Variants in ENOX1 observed in about 807,000 individuals in gnomAD.
The protein encoded by ENOX1 is ecto-NOX disulfide-thiol exchanger 1.
Under a neutral mutation model 82.5 loss-of-function variants are expected in ENOX1, and 42 were observed. The observed-to-expected ratio is 0.51, with a 90% CI of 0.40 to 0.66. ENOX1 has a LOEUF of 0.66. ENOX1 is among the 30% of genes least tolerant of loss of function. ENOX1 has a pLI of 0.00. For synonymous variants in ENOX1, 271 were observed against 282.2 expected (o/e 0.96, Z 0.40); for missense variants, 608 against 811.6 (o/e 0.75, Z 3.05).
At chr13:43,455,012 T>C (rs2153633566) in intron 3 of ENOX1, among the ~76,000 whole-genome samples, 1 of 152,266 alleles carries the variant, frequency 6.6e-6, no homozygotes, top group South Asian at 2.1e-4. Context: ...CCTATGCCTC[T>C]TTCCTGTGTT....
chr13:43,449,702 G>A (rs985130557), intron 3 of ENOX1, among the ~76,000 whole-genome samples: 12 of 151,844 alleles, frequency 7.9e-5, no homozygotes, highest in Non-Finnish European at 2.9e-5. Context: ...TGAGTCACAG[G>A]GAGAAAAGTC....
At chr13:43,505,695 G>A (rs1236303804) in intron 2 of ENOX1, among the ~76,000 whole-genome samples, 1 of 152,054 alleles carries the variant, frequency 6.6e-6, no homozygotes, top group Admixed American at 6.6e-5. Context: ...CTCCCATTCT[G>A]TAGGTTGCCT....
intron 9 of ENOX1, among the ~76,000 whole-genome samples, chr13:43,339,507 C>G (rs548145697): frequency 6.6e-6 from 1 of 152,324 alleles, no homozygotes; most frequent in African/African-American, 2.4e-5. Flanking sequence ...TCCCTAGAAG[C>G]TGCGGAGTGA....
intron 1 of ENOX1, among the ~76,000 whole-genome samples, chr13:43,712,800 A>G (rs1327550581): frequency 6.6e-6 from 1 of 152,036 alleles, no homozygotes; most frequent in Non-Finnish European, 1.5e-5. Context: ...TATCAGCTTA[A>G]GGAGATTTTG....
At chr13:43,549,357 C>A (rs2079094317) in intron 2 of ENOX1, among the ~76,000 whole-genome samples, 1 of 152,150 alleles carries the variant, frequency 6.6e-6, no homozygotes, top group Non-Finnish European at 1.5e-5. Flanking sequence ...TTTACCTAGT[C>A]AATAGAATTC....
At position 43,481,578 on chromosome 13, in the gene ENOX1, A is replaced by G. The variant is rs184967397; in HGVS notation, c.-75+2431T>C. On this transcript the variant is annotated intron_variant, in intron 3 of 16. Coordinates refer to ENST00000690772, the MANE Select transcript of ENOX1 (RefSeq NM_001347969.2). ...ACAACTAGTAGAAGAAAACCCAGGG[A>G]AAAAGCTCCATATTTGGTCTTGGCT... 3.9e-5 allele frequency among the ~76,000 whole-genome samples: 6 copies of G among 152,288 alleles called. No individual in the cohort carries two copies. The East Asian group carries it at 1.2e-3, about 29-fold the overall frequency.
chr13:43,770,044 G>C (rs906563613), intron 1 of ENOX1, among the ~76,000 whole-genome samples: 2 of 152,238 alleles, frequency 1.3e-5, no homozygotes, highest in African/African-American at 4.8e-5. Flanking sequence ...TGGTATACAT[G>C]CAAGTATGCT....
At chr13:43,703,805 ATTTC>A (rs1404818035) in intron 1 of ENOX1, among the ~76,000 whole-genome samples, 21 of 152,198 alleles carry the variant, frequency 1.4e-4, no homozygotes, top group African/African-American at 4.6e-4. Context: ...TTTAGAAGCT[ATTTC>A]TTTATTAGCT....
intron 1 of ENOX1, among the ~76,000 whole-genome samples, chr13:43,780,773 A>C (rs1054200109): frequency 1.2e-4 from 18 of 152,260 alleles, no homozygotes; most frequent in African/African-American, 4.1e-4. Context: ...CCTTACATCC[A>C]CAATGGCTTC....
intron 5 of ENOX1, among the ~76,000 whole-genome samples, chr13:43,379,923 C>T (rs2051911793): frequency 6.6e-6 from 1 of 151,728 alleles, no homozygotes; most frequent in Admixed American, 6.6e-5. Context: ...GAAAAAAAGA[C>T]ATATTACATA....
chr13:43,563,686 A>C (rs576050908), intron 2 of ENOX1, among the ~76,000 whole-genome samples: 4 of 152,168 alleles, frequency 2.6e-5, no homozygotes, highest in Non-Finnish European at 5.9e-5. Context: ...CAGATGAAAA[A>C]GGAGGCAAAG....
intron 11 of ENOX1, chr13:43,321,062 G>C (rs1476452943): frequency 4.4e-6 from 2 of 456,174 alleles, no homozygotes; most frequent in African/African-American, 4.0e-5. Context: ...TATGGCTTCA[G>C]AAAATAGTGG....
chr13:43,618,037 A>G (rs1305540272), intron 2 of ENOX1, among the ~76,000 whole-genome samples: 1 of 152,064 alleles, frequency 6.6e-6, no homozygotes, highest in Non-Finnish European at 1.5e-5. Context: ...TCTTCTTTTG[A>G]GAATTGTCTA....
At chr13:43,427,848 TTACTAGGCTTTC>T (rs1412598944) in intron 3 of ENOX1, among the ~76,000 whole-genome samples, 5 of 152,182 alleles carry the variant, frequency 3.3e-5, no homozygotes, top group African/African-American at 1.2e-4. Context: ...TATTTATGTA[TTACTAGGCTTTC>T]TACTAGGCTT....
rs747622548 is a variant in ENOX1 at position 43,243,235 on chromosome 13, C to T, written c.1612-6497G>A. Among the ~76,000 whole-genome samples, 5 of 151,876 alleles carry T rather than the reference C, an allele frequency of 3.3e-5. 1 individual carries two copies. In the South Asian group the frequency reaches 8.3e-4, roughly 25 times the overall value. On this transcript the variant is annotated intron_variant, in intron 14 of 16. Transcript: ENST00000690772. ...TGACTAAAACCCAGTTCATCTCACT[C>T]GTCAAACTGCATCCTCTTCTAACTT...
intron 2 of ENOX1, among the ~76,000 whole-genome samples, chr13:43,504,433 A>C (rs1424261880): frequency 6.6e-6 from 1 of 151,824 alleles, no homozygotes; most frequent in Non-Finnish European, 1.5e-5. Context: ...ACCTGTTGAC[A>C]GATGGACAAA....
intron 1 of ENOX1, among the ~76,000 whole-genome samples, chr13:43,775,948 C>T (rs1566913157): frequency 6.6e-6 from 1 of 152,094 alleles, no homozygotes; most frequent in Non-Finnish European, 1.5e-5. Flanking sequence ...GAAGATGCTA[C>T]TTGAGGCCTG....
chr13:43,401,321 T>C (rs1236608330), intron 5 of ENOX1, among the ~76,000 whole-genome samples: 1 of 152,112 alleles, frequency 6.6e-6, no homozygotes, highest in Non-Finnish European at 1.5e-5. Flanking sequence ...ACAAAATATA[T>C]GAAATGACGG....
intron 1 of ENOX1, among the ~76,000 whole-genome samples, chr13:43,701,735 T>C (rs1308378418): frequency 6.6e-6 from 1 of 152,242 alleles, no homozygotes; most frequent in Non-Finnish European, 1.5e-5. Flanking sequence ...TTTTATCTTT[T>C]GGGATTATGG....
Sources: allele counts gnomAD v4.1 joint callset (sites outside exome capture counted in the v4.1 genomes callset), GRCh38; gene constraint gnomAD v4.1.1; transcripts MANE v1.5; gene names NCBI Gene and HGNC (gene_info 2026-07-23, HGNC 2026-07-21).